Variants in CHRNE observed in about 807,000 individuals in gnomAD.
CHRNE encodes the protein acetylcholine receptor subunit epsilon.
In CHRNE, 58 loss-of-function variants were observed where a neutral mutation model predicts 56.5. The observed-to-expected ratio is 1.03, with a 90% CI of 0.83 to 1.28. CHRNE has a LOEUF of 1.28. Among genes scored for constraint, CHRNE ranks in the 50% most tolerant of loss-of-function variants. The pLI is 0.00. For synonymous variants in CHRNE, 385 were observed against 297.9 expected (o/e 1.29, Z -3.01); for missense variants, 793 against 688.9 (o/e 1.15, Z -1.69).
chr17:4,900,017 G>A, intron 8 of CHRNE: 1 of 1,551,542 alleles, frequency 6.4e-7, no homozygotes, highest in Non-Finnish European at 8.7e-7. Context: ...GAGGTTCAGA[G>A]AGCTGAAGTC....
rs1970034442 is a variant in CHRNE at position 4,902,799 on chromosome 17, T to C, written c.47-36A>G. On this transcript the variant is annotated intron_variant, in intron 1 of 11. Transcript: ENST00000649488. The surrounding 1 kb of genome is among the most constrained non-coding windows in gnomAD (Gnocchi z 4.0). ...GTCAAGAAGGAAGGGTCATTGGCAA[T>C]GAAGAGGCTGGAGCACCTCTCTCCC... 3.1e-6 allele frequency: 5 copies of C among 1,613,880 alleles called. No homozygotes were observed. In the East Asian group the frequency reaches 1.1e-4, roughly 36 times the overall value.
rs961961167 is a variant in CHRNE, at chr17:4,901,848, G to A, written c.500+84C>T. ...CGCCTCCAGCGCGAAGCCCCGCCCC[G>A]AGGGCGGTGCTTCCCGGTTGGCCCC... On this transcript the variant is annotated intron_variant, in intron 5 of 11. Transcript: ENST00000649488. The A allele has an allele frequency of 1.8e-5, 28 of 1,572,066 alleles. No individual in the cohort carries two copies. In the African/African-American group the frequency reaches 3.2e-4, roughly 18 times the overall value.
chr17:4,900,324 C>T lies in CHRNE; in HGVS notation c.917+469G>A, dbSNP rs1260981431. The T allele has an allele frequency of 5.7e-5, 88 of 1,545,484 alleles. No homozygotes were observed. The East Asian group carries it at 1.9e-3, about 33-fold the overall frequency. On this transcript the variant is annotated intron_variant, in intron 8 of 11. Coordinates refer to ENST00000649488, the MANE Select transcript of CHRNE (RefSeq NM_000080.4). ...AGACGGCAGGGATCCGGGTGCAGCGCTGAGCCGGGTAGCCCAAGCCGCAGG... is the reference window on the plus strand; with the variant it reads ...AGACGGCAGGGATCCGGGTGCAGCGTTGAGCCGGGTAGCCCAAGCCGCAGG...
chr17:4,900,962 TG>T (rs1164105785), intron 7 of CHRNE, 27 bp downstream of exon 7: 1 of 1,613,592 alleles, frequency 6.2e-7, no homozygotes, highest in Non-Finnish European at 8.5e-7. Context: ...AGCCCGGGTT[TG>T]GGGGTAGGTT....
Position 4,901,116 on chromosome 17 carries a change from C to G in CHRNE, c.676G>C (p.Gly226Arg). 1 of 1,613,226 alleles carries G rather than the reference C, an allele frequency of 6.2e-7. No homozygotes were observed. Among genetic ancestry groups the G allele is most frequent in the Non-Finnish European group, 8.5e-7 (1 of 1,179,944 alleles). The change falls in exon 7 of 12, where the codon GGG becomes CGG. Residue 226 changes from glycine (G) to arginine (R), a missense_variant. Gly to Arg is a moderately radical substitution (Grantham distance 125, BLOSUM62 -2). Transcript: ENST00000649488. ...AGCGAGTAGATGACGTCAGTCTCCC[C>G]TGGGCCGTCGGTGGCGCCACCGTGG... Reference protein sequence around the residue: ...RHHGGATDGPGETDVIYSLII... With the variant: ...RHHGGATDGPRETDVIYSLII...
Position 4,901,608 on chromosome 17 carries a change from GCAT to G in CHRNE, c.515_517del (p.Asn172_Ala173delinsThr). The G allele has an allele frequency of 1.2e-6, 2 of 1,614,096 alleles. No homozygotes were observed. The highest frequency in any genetic ancestry group is 1.7e-6 in the Non-Finnish European group (2 of 1,180,010). Reference sequence around the variant, plus strand: ...GGCAAAAGTGAACTCCACCTCTTCGGCATTGTACGTCTGAGAGCTGCGGAGCCA... The same window carrying G: ...GGCAAAAGTGAACTCCACCTCTTCGGTGTACGTCTGAGAGCTGCGGAGCCA... On this transcript the variant is annotated inframe_deletion, in exon 6 of 12. Coordinates refer to ENST00000649488, the MANE Select transcript of CHRNE (RefSeq NM_000080.4).
chr17:4,903,019 G>C lies in CHRNE; in HGVS notation c.45C>G (p.Leu15=), dbSNP rs34563587. 6.2e-7 allele frequency: 1 copy of C among 1,613,840 alleles called. No individual in the cohort carries two copies. Among genetic ancestry groups the C allele is most frequent in the Admixed American group, 1.7e-5 (1 of 59,976 alleles). ...PLGVLLLLGL[L]GRGVGKNEEL... is the part of the protein sequence containing the mutation. ...TGCCCCTCTAGCCCCTGTCCGTACC[G>C]AGAAGCCCCAAGAGGAGCAGGACCC... Residue 15 remains leucine (L), a splice_region_variant and synonymous_variant, in exon 1 of 12, where the codon CTC becomes CTG. Transcript: ENST00000649488.
At position 4,899,367 on chromosome 17, in the gene CHRNE, C is replaced by T; in HGVS notation, c.1050G>A (p.Leu350=). 6.5e-7 allele frequency: 1 copy of T among 1,533,258 alleles called. No homozygotes were observed. The allele number at this position is 1,533,258 out of a possible 1,614,324, so 95.0% of individuals were successfully genotyped here. The change falls in exon 10 of 12, where the codon CTG becomes CTA. Residue 350 remains leucine (L), a synonymous_variant. Transcript: ENST00000649488. ...GCGGCGGGGAGCCCAGGAGGCGCGG[C>T]AGCAGCTCCAGGAGAACCTGGGGCA... ...PRLRHVLLEL[L]PRLLGSPPPP...
upstream of CHRNE, among the ~76,000 whole-genome samples, chr17:4,906,245 A>C (rs1970091326): frequency 6.6e-6 from 1 of 152,106 alleles, no homozygotes; most frequent in South Asian, 2.1e-4. Context: ...CTTGTTTAGG[A>C]TGGATAGTGG....
upstream of CHRNE, chr17:4,903,120 C>G (rs1180451106): frequency 1.3e-6 from 2 of 1,589,532 alleles, no homozygotes; most frequent in African/African-American, 2.7e-5. Context: ...AGGGGGCATG[C>G]CAGGGTGCCT....
At chr17:4,901,272 C>G (rs1352871571) in intron 6 of CHRNE, 82 bp from the exon 7 acceptor site, 6 of 1,480,238 alleles carry the variant, frequency 4.1e-6, no homozygotes, top group Non-Finnish European at 5.5e-6. Context: ...GAGGCTGCGG[C>G]TGTCTGCACC....
rs746521766 is a variant in CHRNE, at chr17:4,903,048, G to C, written c.16C>G (p.Leu6Val). 6.2e-7 allele frequency: 1 copy of C among 1,614,044 alleles called. No homozygotes were observed. Among genetic ancestry groups the C allele is most frequent in the Non-Finnish European group, 8.5e-7 (1 of 1,180,014 alleles). ...AGCCCCAAGAGGAGCAGGACCCCAAGCGGAGCCCTTGCCATCCTGCTGCGT... is the reference window on the plus strand; with the variant it reads ...AGCCCCAAGAGGAGCAGGACCCCAACCGGAGCCCTTGCCATCCTGCTGCGT... MARAP[L>V]GVLLLLGLLG... The change falls in exon 1 of 12, where the codon CTT becomes GTT. Residue 6 changes from leucine to valine, a missense_variant. Physicochemically the swap from Leu to Val is conservative, Grantham distance 32. Transcript: ENST00000649488.
Position 4,899,195 on chromosome 17 carries a change from C to T in CHRNE, c.1219+3G>A, listed in dbSNP as rs1467986879. ...CCCCCCGGGCCAGGGCCACTGTGCTCACCCGTCCAGGTCCCCTGCCGGTGC... is the reference window on the plus strand; with the variant it reads ...CCCCCCGGGCCAGGGCCACTGTGCTTACCCGTCCAGGTCCCCTGCCGGTGC... On this transcript the variant is annotated splice_donor_region_variant and intron_variant, in intron 10 of 11. Transcript: ENST00000649488. The T allele has an allele frequency of 1.2e-6, 2 of 1,601,998 alleles. No homozygotes were observed. Among genetic ancestry groups the T allele is most frequent in the East Asian group, 2.3e-5 (1 of 44,176 alleles).
chr17:4,903,929 C>G (rs1194615089), upstream of CHRNE, among the ~76,000 whole-genome samples: 1 of 152,196 alleles, frequency 6.6e-6, no homozygotes, highest in African/African-American at 2.4e-5. Flanking sequence ...ATGATCTCGG[C>G]TCACTGCAAC....
rs747853975 is a variant in CHRNE at position 4,899,206 on chromosome 17, G to A, written c.1211C>T (p.Thr404Ile). 3.8e-5 allele frequency: 61 copies of A among 1,604,692 alleles called. No homozygotes were observed. The highest frequency in any genetic ancestry group is 4.3e-5 in the Non-Finnish European group (51 of 1,177,934). ...AGGGCCACTGTGCTCACCCGTCCAG[G>A]TCCCCTGCCGGTGCCTCTGCCCCTC... is the stretch of plus-strand genomic sequence containing the variant. ...VFEGQRHRQG[T>I]WTAAFCQSLG... The change falls in exon 10 of 12, where the codon ACC becomes ATC. Residue 404 changes from threonine to isoleucine, a missense_variant. Transcript: ENST00000649488.
At chr17:4,901,304 G>A in intron 6 of CHRNE, 114 bp from the exon 7 acceptor site, 1 of 1,217,214 alleles carries the variant, frequency 8.2e-7, no homozygotes, top group Non-Finnish European at 1.2e-6. Context: ...CCGTCAGGAT[G>A]GGGGCAATTA....
chr17:4,901,480 G>T, intron 6 of CHRNE, 45 bp downstream of exon 6: 1 of 1,574,654 alleles, frequency 6.4e-7, no homozygotes, highest in South Asian at 1.1e-5. Flanking sequence ...CCCCTCTCTG[G>T]ACCCCGTCTA....
upstream of CHRNE, among the ~76,000 whole-genome samples, chr17:4,907,578 A>AAAC (rs1555547400): frequency 6.6e-6 from 1 of 150,742 alleles, no homozygotes; most frequent in African/African-American, 2.4e-5. Flanking sequence ...AAAAAAAAAA[A>AAAC]AAAAAAAAAA....
In CHRNE at chr17:4,898,470, A is replaced by C; in HGVS notation, c.*266T>G. 1.9e-6 allele frequency: 1 copy of C among 540,480 alleles called. No individual in the cohort carries two copies. The highest frequency in any genetic ancestry group is 3.3e-5 in the East Asian group (1 of 30,688). 33.5% of individuals were successfully genotyped at this position (540,480 alleles called of 1,614,324 possible). ...GGGGCTGAGCCTTAGAAAGGCTGGG[A>C]GGTCAGCAAGGCTGAATGAAGGGCA... On this transcript the variant is annotated 3_prime_UTR_variant, in exon 12 of 12. Transcript: ENST00000649488.
Sources: gnomAD v4.1 joint callset for allele counts (sites outside exome capture counted in the v4.1 genomes callset) on GRCh38, gnomAD v4.1.1 for gene constraint, Gnocchi (gnomAD v3.1) non-coding constraint, MANE v1.5 for transcripts, NCBI Gene and HGNC (gene_info 2026-07-23, HGNC 2026-07-21) for gene names.